Variants in MAP3K20 observed in about 807,000 individuals in gnomAD.
MAP3K20 encodes the protein HCCS-4.
A neutral mutation model predicts 85.7 loss-of-function variants in MAP3K20; 40 were observed. That is an observed-to-expected ratio of 0.47 (90% CI 0.36 to 0.61). MAP3K20 has a LOEUF of 0.61. Among genes scored for constraint, MAP3K20 ranks in the 20% least tolerant of loss-of-function variants. The pLI, the probability that MAP3K20 is intolerant of heterozygous loss-of-function variation, is 0.00. For missense variants in MAP3K20, 817 were observed against 961.7 expected (o/e 0.85, Z 1.99); for synonymous variants, 325 against 327.7 (o/e 0.99, Z 0.09).
chr2:173,169,664 G>A, intron 2 of MAP3K20, 141 bp from the exon 3 acceptor site: 3 of 741,916 alleles, frequency 4.0e-6, no homozygotes, highest in African/African-American at 1.8e-5. Context: ...AGGCTGCAGT[G>A]AGCCAAGATC....
chr2:173,123,502 T>C (rs923835002), intron 2 of MAP3K20, among the ~76,000 whole-genome samples: 3 of 152,160 alleles, frequency 2.0e-5, no homozygotes, highest in African/African-American at 7.2e-5. Flanking sequence ...CATCCCCTTA[T>C]AAAGACATCT....
chr2:173,220,246 G>C (rs1239991772), intron 11 of MAP3K20, among the ~76,000 whole-genome samples: 5 of 152,100 alleles, frequency 3.3e-5, no homozygotes, highest in African/African-American at 1.2e-4. Context: ...TGTGCTAACA[G>C]TTTTACCCCT....
chr2:173,197,430 T>C (rs1690883920), intron 7 of MAP3K20, among the ~76,000 whole-genome samples: 1 of 152,198 alleles, frequency 6.6e-6, no homozygotes, highest in African/African-American at 2.4e-5. Flanking sequence ...GATTATATTG[T>C]AGGTAGATGA....
At chr2:173,181,309 C>A (rs1282566930) in intron 3 of MAP3K20, among the ~76,000 whole-genome samples, 1 of 151,400 alleles carries the variant, frequency 6.6e-6, no homozygotes, top group Non-Finnish European at 1.5e-5. Flanking sequence ...GACTGTTTGA[C>A]AACAGGAGTT....
At chr2:173,221,513 A>G (rs893693229) in intron 11 of MAP3K20, 20 of 1,589,568 alleles carry the variant, frequency 1.3e-5, no homozygotes, top group Admixed American at 3.5e-5. Flanking sequence ...GGATAATGAC[A>G]TGGATAATAG....
intron 14 of MAP3K20, among the ~76,000 whole-genome samples, chr2:173,236,253 G>A (rs1338117387): frequency 2.6e-5 from 3 of 114,312 alleles, no homozygotes; most frequent in Non-Finnish European, 5.0e-5. Flanking sequence ...GGGCAATAGA[G>A]TGAGACCCTG....
chr2:173,235,631 G>A (rs547665618), intron 14 of MAP3K20, among the ~76,000 whole-genome samples: 1 of 152,320 alleles, frequency 6.6e-6, no homozygotes, highest in Admixed American at 6.5e-5. Flanking sequence ...TGGGGGTGAT[G>A]AAAATGTTTT....
chr2:173,236,231 G>GCACTA (rs1217270625), intron 14 of MAP3K20, among the ~76,000 whole-genome samples: 1 of 127,354 alleles, frequency 7.9e-6, no homozygotes. Context: ...TTGCACCACT[G>GCACTA]CACTACAGCC....
rs1574175126 is a variant in MAP3K20, at chr2:173,267,915, G to A, written c.*1165G>A. ...CTGCAGCTTAGGGCAGAAATGGTGGGATCCAACTTGTGAAATGCTTCATGT... is the reference window on the plus strand; with the variant it reads ...CTGCAGCTTAGGGCAGAAATGGTGGAATCCAACTTGTGAAATGCTTCATGT... On this transcript the variant is annotated 3_prime_UTR_variant, in exon 20 of 20. Transcript: ENST00000375213. The A allele has an allele frequency of 6.6e-6, 1 of 152,318 alleles. No individual in the cohort carries two copies. Among genetic ancestry groups the A allele is most frequent in the African/African-American group, 2.4e-5 (1 of 41,570 alleles). 9.4% of individuals were successfully genotyped at this position (152,318 alleles called of 1,614,324 possible).
At chr2:173,201,115 T>C (rs1266782222) in intron 8 of MAP3K20, among the ~76,000 whole-genome samples, 1 of 152,204 alleles carries the variant, frequency 6.6e-6, no homozygotes, top group Non-Finnish European at 1.5e-5. Context: ...ACTTTTTGCA[T>C]CTATAGAAAA....
At chr2:173,087,880 C>G (rs779667800) in intron 1 of MAP3K20, among the ~76,000 whole-genome samples, 1 of 151,684 alleles carries the variant, frequency 6.6e-6, no homozygotes, top group South Asian at 2.1e-4. Flanking sequence ...GGGAGTAAAC[C>G]AAGAAAGGGA....
At chr2:173,248,881 A>G (rs2077755) in intron 16 of MAP3K20, among the ~76,000 whole-genome samples, 25,385 of 152,108 alleles carry the variant, frequency 0.17, 3,526 homozygotes, top group African/African-American at 0.37. Flanking sequence ...GATGTACATG[A>G]TAAAACATAG....
At chr2:173,143,956 A>T (rs1235197568) in intron 2 of MAP3K20, among the ~76,000 whole-genome samples, 1 of 152,100 alleles carries the variant, frequency 6.6e-6, no homozygotes, top group Non-Finnish European at 1.5e-5. Context: ...AAAGACATAC[A>T]AAACCTCTAT....
intron 18 of MAP3K20, among the ~76,000 whole-genome samples, chr2:173,263,499 A>G (rs1685342953): frequency 6.6e-6 from 1 of 152,252 alleles, no homozygotes; most frequent in South Asian, 2.1e-4. Context: ...ATAATCCATT[A>G]AGGAATAAGT....
chr2:173,254,047 G>A (rs1161279207), intron 16 of MAP3K20, among the ~76,000 whole-genome samples: 1 of 147,840 alleles, frequency 6.8e-6, no homozygotes, highest in African/African-American at 2.5e-5. Context: ...CTCCAGCCCG[G>A]GTGACAGAGT....
intron 10 of MAP3K20, among the ~76,000 whole-genome samples, chr2:173,215,258 C>A (rs776384952): frequency 6.6e-6 from 1 of 151,864 alleles, no homozygotes; most frequent in Admixed American, 6.6e-5. Flanking sequence ...CCTCTGCCAT[C>A]GCACACTGAG....
chr2:173,183,036 G>A (rs1690377133), intron 4 of MAP3K20, 81 bp downstream of exon 4: 1 of 1,077,932 alleles, frequency 9.3e-7, no homozygotes, highest in Non-Finnish European at 1.4e-6. Context: ...ATCAGAAAAT[G>A]TTTTATTCTG....
chr2:173,109,278 A>G (rs1017892696), intron 2 of MAP3K20, among the ~76,000 whole-genome samples: 3 of 152,206 alleles, frequency 2.0e-5, no homozygotes, highest in Non-Finnish European at 2.9e-5. Flanking sequence ...AGTATTCTGT[A>G]AGAATACAAA....
At chr2:173,222,409 C>T in intron 11 of MAP3K20, 2 of 985,862 alleles carry the variant, frequency 2.0e-6, no homozygotes, top group Non-Finnish European at 2.4e-6. Flanking sequence ...TTGAAACCAA[C>T]AGCAGATGTT....
Sources: gnomAD v4.1 joint callset for allele counts (sites outside exome capture counted in the v4.1 genomes callset) on GRCh38, gnomAD v4.1.1 for gene constraint, MANE v1.5 for transcripts, NCBI Gene and HGNC (gene_info 2026-07-23, HGNC 2026-07-21) for gene names.